POLR2F: variants seen among roughly 807,000 people sequenced by gnomAD.
POLR2F encodes DNA-directed RNA polymerases I, II, and III subunit RPABC2.
A neutral mutation model predicts 22.7 loss-of-function variants in POLR2F; 12 were observed. The ratio of observed to expected loss-of-function variants is 0.53; its 90% confidence interval spans 0.34 to 0.86. The LOEUF (loss-of-function observed/expected upper bound fraction) is 0.86, where lower values mean the gene tolerates loss of function less well. POLR2F is among the 40% of genes least tolerant of loss of function. POLR2F has a pLI of 0.02. For synonymous variants in POLR2F, 57 were observed against 66.0 expected (o/e 0.86, Z 0.66); for missense variants, 126 against 171.5 (o/e 0.73, Z 1.48).
chr22:37,997,836 G>A lies in POLR2F; in HGVS notation c.120+11524G>A, dbSNP rs139311250. On this transcript the variant is annotated intron_variant, in intron 1 of 2. Transcript: ENST00000333418. The surrounding 1 kb of genome is among the most constrained non-coding windows in gnomAD (Gnocchi z 4.4). ...AGCCCACAGCTCACCGTCTGTCGAGGGGGGACAGGCAGGAGGTAAGGATGC... is the reference window on the plus strand; with the variant it reads ...AGCCCACAGCTCACCGTCTGTCGAGAGGGGACAGGCAGGAGGTAAGGATGC... Among the ~76,000 whole-genome samples the A allele has an allele frequency of 3.9e-5, 6 of 152,274 alleles. No individual in the cohort carries two copies. The highest frequency in any genetic ancestry group is 1.4e-4 in the African/African-American group (6 of 41,550).
At chr22:38,011,157 A>G (rs1167808497) in intron 1 of POLR2F, among the ~76,000 whole-genome samples, 1 of 152,148 alleles carries the variant, frequency 6.6e-6, no homozygotes, top group African/African-American at 2.4e-5. Context: ...GCTGGAGTGC[A>G]GTGGAATGAT....
At chr22:37,973,816 G>A (rs775757190), downstream of POLR2F, 36 of 1,599,776 alleles carry the variant, frequency 2.3e-5, no homozygotes, top group Admixed American at 1.4e-4. Flanking sequence ...GGGGCCCCGC[G>A]GTCTCTGTCT....
At chr22:37,973,832 T>C, downstream of POLR2F, 1 of 1,605,200 alleles carries the variant, frequency 6.2e-7, no homozygotes, top group Non-Finnish European at 8.5e-7. Flanking sequence ...TGTCTTCACC[T>C]GGGCTTTGGC....
intron 5 of POLR2F, chr22:38,033,252 T>C (rs536786612): frequency 6.6e-6 from 1 of 152,258 alleles, no homozygotes; most frequent in East Asian, 1.9e-4. Flanking sequence ...AGTTGCCCTG[T>C]CTTTCTTCGC....
At chr22:37,956,716 C>A in intron 1 of POLR2F, 57 bp from the exon 2 acceptor site, 1 of 1,366,768 alleles carries the variant, frequency 7.3e-7, no homozygotes, top group Non-Finnish European at 1.0e-6. Context: ...CGTGCCTGGC[C>A]CCTCTTTGAT....
intron 1 of POLR2F, among the ~76,000 whole-genome samples, chr22:38,020,431 A>ATTTTTTTTTTTT (rs753386178): frequency 3.1e-5 from 4 of 128,444 alleles, no homozygotes; most frequent in African/African-American, 1.2e-4. Context: ...CACCTGGCTA[A>ATTTTTTTTTTTT]TTTTTTTTTT....
intron 1 of POLR2F, among the ~76,000 whole-genome samples, chr22:38,004,464 T>C (rs567811116): frequency 4.3e-4 from 66 of 152,256 alleles, no homozygotes; most frequent in African/African-American, 1.4e-3. Flanking sequence ...GCCAGGTGCT[T>C]TCTACCTATA....
In POLR2F at chr22:37,974,378, G is replaced by A. The variant is rs1230885523; in HGVS notation, c.293+7208G>A. 6.7e-6 allele frequency among the ~76,000 whole-genome samples: 1 copy of A among 149,964 alleles called. No homozygotes were observed. The highest frequency in any genetic ancestry group is 2.5e-5 in the African/African-American group (1 of 40,204). On this transcript the variant is annotated intron_variant, in intron 4 of 4. Transcript: ENST00000405557. The surrounding 1 kb of genome is among the most constrained non-coding windows in gnomAD (Gnocchi z 5.4). ...TTTTGTTTTTTTTTTTTGAGATGGA[G>A]TTTCGCTCTTGTTGCCCAGACTGGA...
At chr22:38,003,015 G>A (rs1337272051) in intron 1 of POLR2F, among the ~76,000 whole-genome samples, 2 of 152,048 alleles carry the variant, frequency 1.3e-5, no homozygotes, top group East Asian at 1.9e-4. Flanking sequence ...GTGACCCACC[G>A]CGCCCGGCCA....
At chr22:37,985,441 C>T (rs1045934486), upstream of POLR2F, among the ~76,000 whole-genome samples, 1 of 152,126 alleles carries the variant, frequency 6.6e-6, no homozygotes, top group African/African-American at 2.4e-5. Flanking sequence ...CCCTCCCTCC[C>T]CTTTTCTTTC....
chr22:38,028,485 TGTGCGTGTGTGTGTGTGCGTGTGCGTAC>T (rs1277155996), downstream of POLR2F, among the ~76,000 whole-genome samples: 4 of 151,890 alleles, frequency 2.6e-5, no homozygotes, highest in African/African-American at 9.7e-5. Context: ...TGCATCTGTG[TGTGCGTGTGTGTGTGTGCGTGTGCGTAC>T]GTGTGTGTGC....
At chr22:37,981,558 C>G (rs1358203218), upstream of POLR2F, among the ~76,000 whole-genome samples, 2 of 152,188 alleles carry the variant, frequency 1.3e-5, no homozygotes, top group East Asian at 3.9e-4. Context: ...AGGAGCCAAT[C>G]TTAAACCCTT....
rs1195994103 is a variant in POLR2F at position 37,967,983 on chromosome 22, C to A, written c.*268C>A. The A allele has an allele frequency of 7.2e-6, 8 of 1,105,012 alleles. No individual in the cohort carries two copies. Among genetic ancestry groups the A allele is most frequent in the Non-Finnish European group, 8.8e-6 (8 of 905,254 alleles). 68.5% of individuals were successfully genotyped at this position (1,105,012 alleles called of 1,614,324 possible). On this transcript the variant is annotated 3_prime_UTR_variant, in exon 5 of 5. Coordinates refer to ENST00000442738, the MANE Select transcript of POLR2F (RefSeq NM_021974.5). ...CCCTCCATCTCCCTGTTCCCCAGAG[C>A]AAAGGCTGCTGCAGGGGAGACACCT...
chr22:38,020,947 T>A (rs1156870658), intron 1 of POLR2F, among the ~76,000 whole-genome samples: 2 of 152,216 alleles, frequency 1.3e-5, no homozygotes, highest in South Asian at 2.1e-4. Flanking sequence ...TGCCTCCCAG[T>A]CCCACACTTG....
At position 37,981,120 on chromosome 22, in the gene POLR2F, C is replaced by G. The variant is rs1243985443; in HGVS notation, c.293+13950C>G. Reference sequence around the variant, plus strand: ...GGGCTCCAGTGTGTCTGATCCCACACTCCCTTGGGGCACTCCACACAGTCT... The same window carrying G: ...GGGCTCCAGTGTGTCTGATCCCACAGTCCCTTGGGGCACTCCACACAGTCT... On this transcript the variant is annotated intron_variant, in intron 4 of 4. Transcript: ENST00000405557. Among the ~76,000 whole-genome samples, 9 of 152,358 alleles carry G rather than the reference C, an allele frequency of 5.9e-5. No individual in the cohort carries two copies. In the East Asian group the frequency reaches 1.5e-3, roughly 26 times the overall value.
intron 1 of POLR2F, among the ~76,000 whole-genome samples, chr22:38,008,050 G>C (rs917471409): frequency 6.6e-6 from 1 of 152,062 alleles, no homozygotes; most frequent in African/African-American, 2.4e-5. Context: ...GACCAGCCTG[G>C]CCAACATGGT....
chr22:38,001,268 C>T (rs2084766855), intron 1 of POLR2F, among the ~76,000 whole-genome samples: 1 of 152,200 alleles, frequency 6.6e-6, no homozygotes, highest in Non-Finnish European at 1.5e-5. Context: ...TGGGCCATGG[C>T]AGGCTCTCGA....
rs56162997 is a variant in POLR2F at position 38,023,839 on chromosome 22, A to ATTT, written c.121-2012_121-2010dup. Among the ~76,000 whole-genome samples, 57 of 115,368 alleles carry ATTT rather than the reference A, an allele frequency of 4.9e-4. 1 individual carries two copies. The highest frequency in any genetic ancestry group is 1.0e-3 in the East Asian group (4 of 3,980). 75.7% of individuals were successfully genotyped at this position (115,368 alleles called of 152,430 possible). ...AGGTGCGCACCACCACGCCTGGCTA[A>ATTT]TTTTTTTTTTTTTTTTTTTTGATAC... is the stretch of plus-strand genomic sequence containing the variant. On this transcript the variant is annotated intron_variant, in intron 1 of 2. Transcript: ENST00000333418.
At chr22:38,022,551 C>G (rs1383958845) in intron 1 of POLR2F, among the ~76,000 whole-genome samples, 1 of 55,836 alleles carries the variant, frequency 1.8e-5, no homozygotes, top group Non-Finnish European at 3.6e-5. Flanking sequence ...AACGCTGTCT[C>G]AAAAAAAAAA....
Sources: gnomAD v4.1 joint callset for allele counts (sites outside exome capture counted in the v4.1 genomes callset) on GRCh38, gnomAD v4.1.1 for gene constraint, Gnocchi (gnomAD v3.1) non-coding constraint, MANE v1.5 for transcripts, NCBI Gene and HGNC (gene_info 2026-07-23, HGNC 2026-07-21) for gene names.